The following PLD1 variants were observed in gnomAD, a reference collection of about 807,000 sequenced individuals.
The protein encoded by PLD1 is phospholipase D1.
Under a neutral mutation model 137.1 loss-of-function variants are expected in PLD1, and 112 were observed. The ratio of observed to expected loss-of-function variants is 0.82; its 90% CI spans 0.70 to 0.96. The LOEUF is 0.96. PLD1 is among the 40% of genes least tolerant of loss of function. The probability of loss-of-function intolerance (pLI) is 0.00; values close to 1 mark genes in which losing one functional copy is unlikely to be tolerated. For missense variants in PLD1, 1,321 were observed against 1,342.0 expected (o/e 0.98, Z 0.24); for synonymous variants, 431 against 454.7 (o/e 0.95, Z 0.66).
rs9827333 is a variant in PLD1 at position 171,603,233 on chromosome 3, C to T, written c.3070G>A (p.Val1024Ile). 4,748 of 1,613,990 alleles carry T rather than the reference C, an allele frequency of 2.9e-3. 28 individuals carry two copies. The highest frequency in any genetic ancestry group is 0.021 in the African/African-American group (1,556 of 75,046). ...CGAATGGGATCTTCCTTAGCTAATA[C>T]GGGCTTGTTTATAAAGTCTCTCAGC... ...IQLRDFINKP[V>I]LAKEDPIRAE... Residue 1024 changes from valine (V) to isoleucine (I), a missense_variant, in exon 27 of 27, where the codon GTA (valine) becomes ATA (isoleucine). Val to Ile is a conservative substitution (Grantham distance 29). Transcript: ENST00000351298.
chr3:171,752,330 G>A (rs539769023), intron 1 of PLD1, among the ~76,000 whole-genome samples: 1 of 148,406 alleles, frequency 6.7e-6, no homozygotes, highest in African/African-American at 2.6e-5. Context: ...AGAGGTGGGA[G>A]GAGAACGCAG....
intron 2 of PLD1, 34 bp from the exon 3 acceptor site, chr3:171,737,693 T>C: frequency 2.8e-6 from 4 of 1,429,110 alleles, no homozygotes; most frequent in Middle Eastern, 1.8e-4. Flanking sequence ...TAATGCAATA[T>C]ATGATTAGCA....
At chr3:171,759,540 T>C (rs1421580099) in intron 1 of PLD1, among the ~76,000 whole-genome samples, 1 of 152,112 alleles carries the variant, frequency 6.6e-6, no homozygotes, top group Admixed American at 6.5e-5. Context: ...AAGTAGGTAG[T>C]AGTAGAAGAA....
chr3:171,603,825 T>A (rs1176481369), intron 26 of PLD1, among the ~76,000 whole-genome samples: 1 of 152,196 alleles, frequency 6.6e-6, no homozygotes, highest in African/African-American at 2.4e-5. Context: ...ATCACAGCAC[T>A]ATTCTCACAC....
At chr3:171,608,525 T>C (rs7643183) in intron 25 of PLD1, among the ~76,000 whole-genome samples, 11,532 of 152,220 alleles carry the variant, frequency 0.076, 1,224 homozygotes, top group African/African-American at 0.24. Context: ...AGTCTTAAAA[T>C]GCACAGCCAC....
rs748151212 is a variant in PLD1, at chr3:171,687,511, T to G, written c.1613A>C (p.Gln538Pro). 2 of 1,614,008 alleles carry G rather than the reference T, an allele frequency of 1.2e-6. No homozygotes were observed. The highest frequency in any genetic ancestry group is 1.3e-5 in the African/African-American group (1 of 75,040). The change falls in exon 15 of 27, where the codon CAG (glutamine) becomes CCG (proline). Residue 538 changes from glutamine (Q) to proline (P), a missense_variant. By Grantham distance (76) the Gln-to-Pro change is moderately conservative. Coordinates refer to ENST00000351298, the MANE Select transcript of PLD1 (RefSeq NM_002662.5). The stretch of plus-strand genomic sequence containing the variant: ...TGAATCCACATCATCAATACTCTTC[T>G]GGATGGGTAGGTTTTGAACAGGCTC... ...KNEPVQNLPI[Q>P]KSIDDVDSKL...
At chr3:171,746,928 C>G (rs1006227039) in intron 1 of PLD1, among the ~76,000 whole-genome samples, 4 of 152,216 alleles carry the variant, frequency 2.6e-5, no homozygotes, top group African/African-American at 7.2e-5. Flanking sequence ...CTTGCTGCTG[C>G]TGTTTAGGCT....
At chr3:171,784,954 A>C (rs1274479050) in intron 1 of PLD1, among the ~76,000 whole-genome samples, 2 of 152,228 alleles carry the variant, frequency 1.3e-5, no homozygotes, top group African/African-American at 4.8e-5. Context: ...TAACATACAA[A>C]TACATATTTT....
At chr3:171,609,592 C>A (rs570856808) in intron 25 of PLD1, among the ~76,000 whole-genome samples, 4 of 150,764 alleles carry the variant, frequency 2.7e-5, no homozygotes, top group Admixed American at 2.0e-4. Context: ...AGAATGAAAT[C>A]ATGTATTTTG....
At chr3:171,666,795 C>T (rs1269256331) in intron 19 of PLD1, among the ~76,000 whole-genome samples, 1 of 152,196 alleles carries the variant, frequency 6.6e-6, no homozygotes, top group Non-Finnish European at 1.5e-5. Context: ...AGTTTGAATA[C>T]ATAATTTTAA....
chr3:171,791,907 GC>G (rs1166022083), intron 1 of PLD1: 2 of 152,482 alleles, frequency 1.3e-5, no homozygotes, highest in African/African-American at 2.4e-5. Flanking sequence ...CCACTGTTGT[GC>G]CCCAGCTCCT....
intron 19 of PLD1, among the ~76,000 whole-genome samples, chr3:171,672,281 C>T (rs771927617): frequency 1.3e-5 from 2 of 152,180 alleles, no homozygotes; most frequent in East Asian, 1.9e-4. Context: ...TCTGCCCTCT[C>T]GACACCCAAG....
At chr3:171,747,470 C>CTTTTT (rs200205947) in intron 1 of PLD1, among the ~76,000 whole-genome samples, 1 of 143,108 alleles carries the variant, frequency 7.0e-6, no homozygotes. Context: ...CTCTTCCTCT[C>CTTTTT]TTTTTTTTTT....
chr3:171,778,751 G>A (rs1215381103), intron 1 of PLD1, among the ~76,000 whole-genome samples: 4 of 152,232 alleles, frequency 2.6e-5, no homozygotes, highest in Admixed American at 2.6e-4. Context: ...GAAGAAACTA[G>A]GGAGTCCAGT....
At chr3:171,622,789 T>C (rs1404025827) in intron 23 of PLD1, among the ~76,000 whole-genome samples, 2 of 151,038 alleles carry the variant, frequency 1.3e-5, no homozygotes, top group Admixed American at 6.6e-5. Context: ...TGTGAAAACA[T>C]ACCTGAAGAA....
At chr3:171,724,001 A>G (rs1718326627) in intron 8 of PLD1, among the ~76,000 whole-genome samples, 1 of 152,184 alleles carries the variant, frequency 6.6e-6, no homozygotes, top group Non-Finnish European at 1.5e-5. Context: ...ATTCCACTCT[A>G]TAGGAATACC....
intron 12 of PLD1, among the ~76,000 whole-genome samples, chr3:171,692,764 A>C (rs962720782): frequency 2.6e-5 from 4 of 151,304 alleles, no homozygotes; most frequent in Non-Finnish European, 4.4e-5. Context: ...CAAGTGATCC[A>C]CCCGCCTCAG....
chr3:171,700,744 A>G (rs1716173952), intron 11 of PLD1, among the ~76,000 whole-genome samples: 1 of 152,166 alleles, frequency 6.6e-6, no homozygotes, highest in Admixed American at 6.6e-5. Context: ...AGGTCGGCTG[A>G]TATATGAAAT....
chr3:171,639,665 T>TA (rs1404976224), intron 23 of PLD1, among the ~76,000 whole-genome samples: 1 of 120,666 alleles, frequency 8.3e-6, no homozygotes, highest in Non-Finnish European at 1.6e-5. Flanking sequence ...TATATTCATA[T>TA]AATATATATT....
Sources: gnomAD v4.1 joint callset for allele counts (sites outside exome capture counted in the v4.1 genomes callset) on GRCh38, gnomAD v4.1.1 for gene constraint, MANE v1.5 for transcripts, NCBI Gene and HGNC (gene_info 2026-07-23, HGNC 2026-07-21) for gene names.